SLC17A8: variants seen among roughly 807,000 people sequenced by gnomAD.
SLC17A8 encodes the protein vesicular glutamate transporter 3.
A neutral mutation model predicts 58.0 loss-of-function variants in SLC17A8; 31 were observed. That is an observed-to-expected ratio of 0.53 (90% CI 0.40 to 0.72). The LOEUF is 0.72. Ranked by LOEUF, SLC17A8 falls within the 30% of genes least tolerant of loss-of-function variation. The pLI, the probability that SLC17A8 is intolerant of heterozygous loss-of-function variation, is 0.00. For synonymous variants in SLC17A8, 228 were observed against 249.0 expected (o/e 0.92, Z 0.79); for missense variants, 655 against 727.8 (o/e 0.90, Z 1.15).
chr12:100,399,159 A>C (rs2136002200), intron 5 of SLC17A8, among the ~76,000 whole-genome samples: 1 of 152,106 alleles, frequency 6.6e-6, no homozygotes, highest in South Asian at 2.1e-4. Context: ...TGAGGGCCGA[A>C]CCGGGGGCTC....
At chr12:100,402,824 A>G in intron 8 of SLC17A8, 79 bp downstream of exon 8, 1 of 1,398,156 alleles carries the variant, frequency 7.2e-7, no homozygotes, top group Non-Finnish European at 9.8e-7. Context: ...ATGATAAAAT[A>G]ATTAAATTGC....
chr12:100,412,870 C>A lies in SLC17A8; in HGVS notation c.1287C>A (p.Phe429Leu). ...TACTTGCTGTAGGATTTAGTGGCTTCGCTATTTCAGGTAATGTGTCCTTTG... is the reference window on the plus strand; with the variant it reads ...TACTTGCTGTAGGATTTAGTGGCTTAGCTATTTCAGGTAATGTGTCCTTTG... The part of the protein sequence containing the change: ...FLVLAVGFSG[F>L]AISGFNVNHL... Residue 429 changes from phenylalanine to leucine, a missense_variant, in exon 10 of 12, where the codon TTC becomes TTA. Transcript: ENST00000323346. The A allele has an allele frequency of 6.2e-7, 1 of 1,613,158 alleles. No individual in the cohort carries two copies. The highest frequency in any genetic ancestry group is 8.5e-7 in the Non-Finnish European group (1 of 1,179,226).
At chr12:100,390,763 G>A (rs1374292043) in intron 2 of SLC17A8, among the ~76,000 whole-genome samples, 1 of 152,054 alleles carries the variant, frequency 6.6e-6, no homozygotes, top group African/African-American at 2.4e-5. Flanking sequence ...CTCAAGCCAG[G>A]CTGAGGTCCC....
intron 3 of SLC17A8, among the ~76,000 whole-genome samples, chr12:100,392,737 G>C (rs949949814): frequency 2.0e-5 from 3 of 152,166 alleles, no homozygotes; most frequent in African/African-American, 4.8e-5. Flanking sequence ...AGGGCACCCT[G>C]AGCTGGCCAG....
Position 100,391,041 on chromosome 12 carries a change from T to C in SLC17A8, c.395T>C (p.Ile132Thr). The C allele has an allele frequency of 3.7e-6, 6 of 1,613,924 alleles. No individual in the cohort carries two copies. Among genetic ancestry groups the C allele is most frequent in the Middle Eastern group, 3.3e-4 (2 of 6,060 alleles). The stretch of plus-strand genomic sequence containing the variant: ...TGGGATCCAGAAACAGTGGGCCTTA[T>C]CCATGGATCTTTTTTCTGGGGCTAT... The part of the protein sequence containing the change: ...FNWDPETVGL[I>T]HGSFFWGYIM... The change falls in exon 3 of 12, where the codon ATC (isoleucine) becomes ACC (threonine). Residue 132 changes from isoleucine (I) to threonine (T), a missense_variant. By Grantham distance (89) the Ile-to-Thr change is moderately conservative (BLOSUM62 -1). Transcript: ENST00000323346.
intron 2 of SLC17A8, among the ~76,000 whole-genome samples, chr12:100,387,374 A>G (rs1456917172): frequency 6.6e-6 from 1 of 152,166 alleles, no homozygotes; most frequent in Admixed American, 6.5e-5. Context: ...CTCTTCATGT[A>G]GATATTGGCC....
chr12:100,378,144 C>T (rs979889949), intron 1 of SLC17A8, among the ~76,000 whole-genome samples: 5 of 151,862 alleles, frequency 3.3e-5, no homozygotes, highest in African/African-American at 9.7e-5. Context: ...GCAAGAGACC[C>T]GAGAATGGAG....
At position 100,409,170 on chromosome 12, in the gene SLC17A8, T is replaced by C. The variant is rs917309125; in HGVS notation, c.1187-3600T>C. Among the ~76,000 whole-genome samples the C allele has an allele frequency of 4.3e-4, 66 of 151,910 alleles. 1 individual carries two copies. Among genetic ancestry groups the C allele is most frequent in the Admixed American group, 4.0e-3 (61 of 15,234 alleles). The stretch of plus-strand genomic sequence containing the variant: ...TTATGTATGTATGTATGTATGTATG[T>C]ATGTATGTATGTATGTATGTATGTA... On this transcript the variant is annotated intron_variant, in intron 9 of 11. Transcript: ENST00000323346.
At chr12:100,364,439 C>T (rs1196690955) in intron 1 of SLC17A8, among the ~76,000 whole-genome samples, 2 of 152,152 alleles carry the variant, frequency 1.3e-5, no homozygotes, top group Admixed American at 6.5e-5. Flanking sequence ...TGTTGCTGAC[C>T]GCAGCAGGAG....
At chr12:100,400,169 C>T (rs1324276857) in intron 5 of SLC17A8, among the ~76,000 whole-genome samples, 1 of 152,098 alleles carries the variant, frequency 6.6e-6, no homozygotes, top group Non-Finnish European at 1.5e-5. Flanking sequence ...TTTTGCATTA[C>T]CTAAACCAGA....
chr12:100,407,297 C>G (rs1431702846), intron 9 of SLC17A8, among the ~76,000 whole-genome samples: 1 of 152,208 alleles, frequency 6.6e-6, no homozygotes, highest in Non-Finnish European at 1.5e-5. Context: ...TGCACAACCT[C>G]TTCTAAACCC....
chr12:100,359,599 A>G (rs948139937), intron 1 of SLC17A8, among the ~76,000 whole-genome samples: 1 of 152,240 alleles, frequency 6.6e-6, no homozygotes, highest in African/African-American at 2.4e-5. Context: ...AAATAAAGCC[A>G]AGGTCAAATC....
At position 100,357,159 on chromosome 12, in the gene SLC17A8, A is replaced by G. The variant is rs1172668472; in HGVS notation, c.-233A>G. 6.2e-6 allele frequency: 3 copies of G among 484,004 alleles called. No homozygotes were observed. The highest frequency in any genetic ancestry group is 6.2e-5 in the South Asian group (3 of 48,532). 30.0% of individuals were successfully genotyped at this position (484,004 alleles called of 1,614,324 possible). On this transcript the variant is annotated 5_prime_UTR_variant, in exon 1 of 12. Coordinates refer to ENST00000323346, the MANE Select transcript of SLC17A8 (RefSeq NM_139319.3). ...CAAGGGACTGAATTCCCAGCCAGAC[A>G]CCCCTTGGACTCTTTTTTGGAGGGG...
intron 5 of SLC17A8, among the ~76,000 whole-genome samples, chr12:100,399,682 A>T (rs551834869): frequency 6.6e-6 from 1 of 152,044 alleles, no homozygotes; most frequent in Non-Finnish European, 1.5e-5. Flanking sequence ...GCACGGGGGA[A>T]ATCCGCCCCC....
At chr12:100,406,670 G>A (rs2136009461) in intron 9 of SLC17A8, among the ~76,000 whole-genome samples, 1 of 152,078 alleles carries the variant, frequency 6.6e-6, no homozygotes, top group South Asian at 2.1e-4. Flanking sequence ...TGAGTAGCTG[G>A]GATTACAGGC....
intron 2 of SLC17A8, among the ~76,000 whole-genome samples, chr12:100,389,825 TTATTATTAC>T (rs1952702244): frequency 1.3e-5 from 2 of 149,678 alleles, no homozygotes; most frequent in South Asian, 2.1e-4. Context: ...ATTATTATTA[TTATTATTAC>T]TATTGAGATG....
At chr12:100,378,624 G>A (rs913110617) in intron 1 of SLC17A8, among the ~76,000 whole-genome samples, 7 of 152,242 alleles carry the variant, frequency 4.6e-5, no homozygotes, top group African/African-American at 1.7e-4. Context: ...AATGAAGCGT[G>A]GGGGTGGGGA....
intron 5 of SLC17A8, among the ~76,000 whole-genome samples, chr12:100,398,968 T>C (rs1253128741): frequency 1.3e-5 from 2 of 152,002 alleles, no homozygotes; most frequent in Non-Finnish European, 2.9e-5. Context: ...TTGTGAGGCC[T>C]CCCCCGCCAC....
At chr12:100,402,885 C>T (rs1238469479) in intron 8 of SLC17A8, 140 bp downstream of exon 8, 20 of 849,266 alleles carry the variant, frequency 2.4e-5, no homozygotes, top group Non-Finnish European at 3.4e-5. Context: ...GGCTGTCAGA[C>T]AAGTTATACA....
Sources: gnomAD v4.1 joint callset for allele counts (sites outside exome capture counted in the v4.1 genomes callset) on GRCh38, gnomAD v4.1.1 for gene constraint, MANE v1.5 for transcripts, NCBI Gene and HGNC (gene_info 2026-07-23, HGNC 2026-07-21) for gene names.